The following BMPR1B variants were observed in gnomAD, a reference collection of about 807,000 sequenced individuals.
BMPR1B encodes bone morphogenetic protein receptor type 1B, also known as bone morphogenetic protein receptor type-1B.
BMPR1B carries 12 observed loss-of-function variants against 59.1 expected under a neutral mutation model. The observed-to-expected ratio is 0.20, with a 90% confidence interval of 0.13 to 0.33. The LOEUF is 0.33. BMPR1B is among the 10% of genes least tolerant of loss of function. The pLI is 1.00. For missense variants in BMPR1B, 550 were observed against 610.9 expected, an observed-to-expected ratio of 0.90 and a Z score of 1.05; for synonymous variants, 237 against 207.3, an observed-to-expected ratio of 1.14 and a Z score of -1.23.
chr4:94,848,581 C>T (rs1024881720), intron 1 of BMPR1B, among the ~76,000 whole-genome samples: 3 of 151,736 alleles, frequency 2.0e-5, no homozygotes, highest in African/African-American at 7.3e-5. Context: ...CATGATTGGT[C>T]TCATAGACAG....
At chr4:94,774,304 A>G (rs2110576492) in intron 1 of BMPR1B, among the ~76,000 whole-genome samples, 1 of 152,028 alleles carries the variant, frequency 6.6e-6, no homozygotes, top group South Asian at 2.1e-4. Flanking sequence ...AGCCTCCACT[A>G]AAAACTACAG....
At chr4:94,841,721 G>A (rs1016269630) in intron 1 of BMPR1B, among the ~76,000 whole-genome samples, 1 of 152,168 alleles carries the variant, frequency 6.6e-6, no homozygotes, top group Non-Finnish European at 1.5e-5. Context: ...CCCGTCTTCT[G>A]CGTTGCTCAC....
chr4:94,843,078 T>G (rs886901840), intron 1 of BMPR1B, among the ~76,000 whole-genome samples: 12 of 152,164 alleles, frequency 7.9e-5, no homozygotes, highest in African/African-American at 2.9e-4. Flanking sequence ...TATAATTGCA[T>G]TTAATACTTA....
At chr4:95,001,786 C>T (rs765383209) in intron 3 of BMPR1B, among the ~76,000 whole-genome samples, 37 of 151,932 alleles carry the variant, frequency 2.4e-4, no homozygotes, top group Non-Finnish European at 7.4e-5. Context: ...TAATCGAAGA[C>T]GTAGAGGGGG....
intron 1 of BMPR1B, among the ~76,000 whole-genome samples, chr4:94,824,767 TAA>T (rs1277152632): frequency 2.0e-5 from 3 of 152,166 alleles, no homozygotes; most frequent in African/African-American, 4.8e-5. Context: ...TGCTTTTGAG[TAA>T]AAACGTTTTT....
At chr4:95,100,951 T>C (rs956653415) in intron 3 of BMPR1B, among the ~76,000 whole-genome samples, 4 of 152,162 alleles carry the variant, frequency 2.6e-5, no homozygotes, top group South Asian at 4.1e-4. Flanking sequence ...GTAGTGTTTG[T>C]TTTATTCTCA....
chr4:95,090,716 G>T (rs978423622), intron 3 of BMPR1B, among the ~76,000 whole-genome samples: 1 of 151,950 alleles, frequency 6.6e-6, no homozygotes, highest in African/African-American at 2.4e-5. Context: ...ATTTGTGTAT[G>T]ACAAATATCT....
chr4:95,130,451 C>T (rs1419299942), intron 9 of BMPR1B, among the ~76,000 whole-genome samples: 4 of 151,984 alleles, frequency 2.6e-5, no homozygotes, highest in South Asian at 2.1e-4. Context: ...GATTTTGTTT[C>T]GCAAGTTAGA....
chr4:95,017,016 C>A (rs1162484325), intron 3 of BMPR1B, among the ~76,000 whole-genome samples: 1 of 152,152 alleles, frequency 6.6e-6, no homozygotes. Flanking sequence ...CCTTCAGTTT[C>A]TTTTTCCATA....
chr4:94,770,180 G>GTTTTTTTTTTTTTTTTTTTT (rs1553903537), intron 1 of BMPR1B, among the ~76,000 whole-genome samples: 12 of 106,276 alleles, frequency 1.1e-4, no homozygotes, highest in African/African-American at 4.5e-4. Context: ...CTTCGTTTCT[G>GTTTTTTTTTTTTTTTTTTTT]TGTTTGTTTT....
At chr4:95,074,415 A>G (rs902288648) in intron 3 of BMPR1B, among the ~76,000 whole-genome samples, 2 of 152,160 alleles carry the variant, frequency 1.3e-5, no homozygotes, top group African/African-American at 2.4e-5. Context: ...GCCCTACTAG[A>G]GGCGCTTGGA....
chr4:95,073,721 A>G (rs951579443), intron 3 of BMPR1B, among the ~76,000 whole-genome samples: 6 of 152,200 alleles, frequency 3.9e-5, no homozygotes, highest in Non-Finnish European at 7.4e-5. Flanking sequence ...ATACAAAACC[A>G]AATGTTTACA....
chr4:94,824,537 C>T (rs1724316846), intron 1 of BMPR1B, among the ~76,000 whole-genome samples: 1 of 152,122 alleles, frequency 6.6e-6, no homozygotes, highest in Admixed American at 6.6e-5. Context: ...TGTTTTTAAA[C>T]ATTCTGGTTA....
chr4:94,789,974 G>C (rs577963145), intron 1 of BMPR1B, among the ~76,000 whole-genome samples: 1 of 152,136 alleles, frequency 6.6e-6, no homozygotes, highest in Non-Finnish European at 1.5e-5. Flanking sequence ...AGACCTTGAT[G>C]ATGATCCACT....
At chr4:95,028,067 A>G (rs1042995539) in intron 3 of BMPR1B, among the ~76,000 whole-genome samples, 2 of 152,274 alleles carry the variant, frequency 1.3e-5, no homozygotes, top group Non-Finnish European at 2.9e-5. Flanking sequence ...CCTAAAGACA[A>G]TGAGGCACTA....
chr4:94,791,270 T>C (rs923751298), intron 1 of BMPR1B, among the ~76,000 whole-genome samples: 21 of 152,196 alleles, frequency 1.4e-4, no homozygotes, highest in Non-Finnish European at 2.9e-4. Flanking sequence ...ATTACAGGTG[T>C]GAGCCAACCC....
chr4:95,114,699 C>T (rs1731889162), intron 4 of BMPR1B, 21 bp from the exon 5 acceptor site: 6 of 1,586,240 alleles, frequency 3.8e-6, no homozygotes, highest in Non-Finnish European at 5.2e-6. Context: ...CTGTTTCTCA[C>T]TTTGCTTGTT....
intron 3 of BMPR1B, among the ~76,000 whole-genome samples, chr4:95,009,805 A>G (rs1560593560): frequency 6.6e-6 from 1 of 152,182 alleles, no homozygotes; most frequent in African/African-American, 2.4e-5. Flanking sequence ...AACTGTGTGA[A>G]CTGTAACAAA....
At chr4:94,993,836 C>A (rs1349016346) in intron 2 of BMPR1B, among the ~76,000 whole-genome samples, 1 of 148,874 alleles carries the variant, frequency 6.7e-6, no homozygotes, top group African/African-American at 2.5e-5. Flanking sequence ...TGTAAAAATT[C>A]TGTGAGGCAG....
Sources: allele counts gnomAD v4.1 joint callset (sites outside exome capture counted in the v4.1 genomes callset), GRCh38; gene constraint gnomAD v4.1.1; transcripts MANE v1.5; gene names NCBI Gene and HGNC (gene_info 2026-07-23, HGNC 2026-07-21).